GRID2: variants seen among roughly 807,000 people sequenced by gnomAD.
The protein encoded by GRID2 is glutamate ionotropic receptor delta type subunit 2, also known as glutamate receptor ionotropic, delta-2.
Under a neutral mutation model 114.8 loss-of-function variants are expected in GRID2, and 33 were observed. The observed-to-expected ratio is 0.29, with a 90% CI of 0.22 to 0.38. The LOEUF (loss-of-function observed/expected upper bound fraction) is 0.38. Ranked by LOEUF, GRID2 falls within the 10% of genes least tolerant of loss-of-function variation. The pLI, the probability that GRID2 is intolerant of heterozygous loss-of-function variation, is 1.00. For missense variants in GRID2, 1,184 were observed against 1,257.7 expected (o/e 0.94, Z 0.89); for synonymous variants, 505 against 449.9 (o/e 1.12, Z -1.55).
intron 14 of GRID2, among the ~76,000 whole-genome samples, chr4:93,705,890 C>T (rs186948124): frequency 2.8e-3 from 421 of 152,236 alleles, no homozygotes; most frequent in Middle Eastern, 0.024. Context: ...TTTCATTTTT[C>T]TGCATATGGA....
At chr4:92,678,159 T>C (rs1733472705) in intron 2 of GRID2, among the ~76,000 whole-genome samples, 1 of 152,146 alleles carries the variant, frequency 6.6e-6, no homozygotes, top group South Asian at 2.1e-4. Context: ...TAATTAGGTC[T>C]TCACTGAATA....
intron 1 of GRID2, among the ~76,000 whole-genome samples, chr4:92,327,665 A>G (rs1373026884): frequency 6.6e-6 from 1 of 152,030 alleles, no homozygotes; most frequent in Non-Finnish European, 1.5e-5. Context: ...ATTATTTCAC[A>G]GAAATATTTC....
chr4:92,891,253 C>T (rs945766446), intron 2 of GRID2, among the ~76,000 whole-genome samples: 31 of 152,096 alleles, frequency 2.0e-4, no homozygotes, highest in Middle Eastern at 3.4e-3. Context: ...TATCCCAGAA[C>T]TCAAACTATA....
At chr4:93,800,305 A>T (rs747913700) in intron 1 of GRID2, among the ~76,000 whole-genome samples, 2 of 152,220 alleles carry the variant, frequency 1.3e-5, no homozygotes, top group Non-Finnish European at 2.9e-5. Flanking sequence ...ACATTTACAA[A>T]TGAGGATGGG....
chr4:92,791,294 C>T (rs192137870), intron 2 of GRID2, among the ~76,000 whole-genome samples: 47 of 151,742 alleles, frequency 3.1e-4, no homozygotes, highest in African/African-American at 1.0e-3. Context: ...CATTAACAAA[C>T]AACTCAAGTT....
chr4:93,194,262 T>A (rs1309044031), intron 4 of GRID2, among the ~76,000 whole-genome samples: 1 of 152,188 alleles, frequency 6.6e-6, no homozygotes, highest in Non-Finnish European at 1.5e-5. Flanking sequence ...GAAAACTTAA[T>A]TCTTGTAAAT....
At chr4:92,703,644 TAA>T (rs1426791325) in intron 2 of GRID2, among the ~76,000 whole-genome samples, 1 of 138,844 alleles carries the variant, frequency 7.2e-6, no homozygotes, top group East Asian at 2.1e-4. Flanking sequence ...TATATATATA[TAA>T]AATCATGAGA....
intron 1 of GRID2, among the ~76,000 whole-genome samples, chr4:93,804,122 G>C (rs745809326): frequency 5.9e-5 from 9 of 152,116 alleles, no homozygotes; most frequent in Non-Finnish European, 8.8e-5. Context: ...GAATGTCAAG[G>C]TGTTCCTTAG....
At chr4:93,017,555 T>C (rs1722867982) in intron 2 of GRID2, among the ~76,000 whole-genome samples, 1 of 152,056 alleles carries the variant, frequency 6.6e-6, no homozygotes, top group Admixed American at 6.6e-5. Flanking sequence ...GGCTCACACC[T>C]ATAACCCCAG....
chr4:92,553,028 T>C (rs1726672126), intron 1 of GRID2, among the ~76,000 whole-genome samples: 1 of 152,146 alleles, frequency 6.6e-6, no homozygotes, highest in Non-Finnish European at 1.5e-5. Context: ...GGCTGCAACA[T>C]ACCTACTTGC....
At chr4:93,588,678 A>G (rs917966063) in intron 13 of GRID2, among the ~76,000 whole-genome samples, 2 of 152,172 alleles carry the variant, frequency 1.3e-5, no homozygotes, top group Admixed American at 1.3e-4. Flanking sequence ...CACACTCACA[A>G]TTGCCTACAG....
chr4:92,724,510 T>C (rs6854391), intron 2 of GRID2, among the ~76,000 whole-genome samples: 152,175 of 152,300 alleles, frequency 1, 76,025 homozygotes, highest in Middle Eastern at 1. Context: ...TAAATGCACA[T>C]GGGGACTAGA....
intron 11 of GRID2, among the ~76,000 whole-genome samples, chr4:93,488,525 C>T (rs1024819647): frequency 5.3e-5 from 8 of 151,850 alleles, no homozygotes; most frequent in Non-Finnish European, 7.4e-5. Flanking sequence ...AAGTCATTCA[C>T]GTATTGATAG....
intron 2 of GRID2, among the ~76,000 whole-genome samples, chr4:92,969,180 T>G (rs1400320343): frequency 6.6e-6 from 1 of 151,552 alleles, no homozygotes; most frequent in Non-Finnish European, 1.5e-5. Context: ...AAATTATTTT[T>G]GAATTCCCCT....
chr4:92,679,499 C>T (rs1733540557), intron 2 of GRID2, among the ~76,000 whole-genome samples: 1 of 151,984 alleles, frequency 6.6e-6, no homozygotes, highest in Non-Finnish European at 1.5e-5. Context: ...AAATCAGGTA[C>T]TAAAAATAAA....
intron 2 of GRID2, among the ~76,000 whole-genome samples, chr4:93,019,504 AATGATCT>A (rs1220151616): frequency 6.6e-6 from 1 of 152,160 alleles, no homozygotes. Flanking sequence ...AATGATCAAA[AATGATCT>A]ACATTTTGGT....
chr4:92,360,768 C>A (rs1344254770), intron 1 of GRID2, among the ~76,000 whole-genome samples: 1 of 151,392 alleles, frequency 6.6e-6, no homozygotes, highest in African/African-American at 2.4e-5. Context: ...AGGGAATCAT[C>A]AGGTCTTTCA....
intron 1 of GRID2, among the ~76,000 whole-genome samples, chr4:92,498,636 T>A (rs1723514918): frequency 6.6e-6 from 1 of 151,824 alleles, no homozygotes; most frequent in Non-Finnish European, 1.5e-5. Context: ...AATAAATAAA[T>A]AAAACATGAC....
chr4:93,375,901 C>T (rs561569524), intron 8 of GRID2, among the ~76,000 whole-genome samples: 12 of 152,038 alleles, frequency 7.9e-5, no homozygotes, highest in Non-Finnish European at 1.6e-4. Flanking sequence ...GTGGCTGAAA[C>T]GACAAAAATT....
Sources: gnomAD v4.1 joint callset for allele counts (sites outside exome capture counted in the v4.1 genomes callset) on GRCh38, gnomAD v4.1.1 for gene constraint, MANE v1.5 for transcripts, NCBI Gene and HGNC (gene_info 2026-07-23, HGNC 2026-07-21) for gene names.